The following CSMD3 variants were observed in gnomAD, a reference collection of about 807,000 sequenced individuals.
CSMD3 encodes the protein CUB and Sushi multiple domains 3.
Under a neutral mutation model 435.2 loss-of-function variants are expected in CSMD3, and 177 were observed. The observed-to-expected ratio is 0.41, with a 90% CI of 0.36 to 0.46. CSMD3 has a LOEUF of 0.46. CSMD3 is among the 20% of genes least tolerant of loss of function. The pLI is 0.34. For synonymous variants in CSMD3, 1,656 were observed against 1,520.5 expected (o/e 1.09, Z -2.07); for missense variants, 4,265 against 4,504.6 (o/e 0.95, Z 1.52).
At chr8:112,287,312 C>A (rs2130638938) in intron 57 of CSMD3, 66 bp from the exon 58 acceptor site, 1 of 1,500,028 alleles carries the variant, frequency 6.7e-7, no homozygotes, top group Non-Finnish European at 9.3e-7. Context: ...CCAGTTAGTC[C>A]AAGGGCCTGG....
At chr8:112,874,213 G>A (rs1187112629) in intron 10 of CSMD3, among the ~76,000 whole-genome samples, 14 of 152,086 alleles carry the variant, frequency 9.2e-5, no homozygotes, top group African/African-American at 3.4e-4. Flanking sequence ...ATGTAGTTGT[G>A]CAGTTTTGAG....
chr8:112,315,006 T>TCTCTTCTC (rs1295141585), intron 47 of CSMD3, among the ~76,000 whole-genome samples: 4 of 151,906 alleles, frequency 2.6e-5, no homozygotes, highest in African/African-American at 9.7e-5. Context: ...TTTAACTCAC[T>TCTCTTCTC]CTCTTCTCTC....
At chr8:112,999,823 A>AG (rs2085797197) in intron 6 of CSMD3, among the ~76,000 whole-genome samples, 1 of 151,728 alleles carries the variant, frequency 6.6e-6, no homozygotes. Flanking sequence ...TGAATAAATG[A>AG]GAAAAAAAAA....
At chr8:112,244,614 A>C in intron 64 of CSMD3, 41 bp from the exon 65 acceptor site, 1 of 1,566,528 alleles carries the variant, frequency 6.4e-7, no homozygotes, top group East Asian at 2.3e-5. Context: ...TTCTATAGAT[A>C]TGTTAAGAAA....
At chr8:113,140,445 G>A (rs185842756) in intron 4 of CSMD3, among the ~76,000 whole-genome samples, 153 of 150,766 alleles carry the variant, frequency 1.0e-3, no homozygotes, top group Non-Finnish European at 1.5e-3. Context: ...CAGCCTACAA[G>A]AGCAGACTAC....
At chr8:113,132,309 G>A (rs1368485039) in intron 4 of CSMD3, among the ~76,000 whole-genome samples, 1 of 152,112 alleles carries the variant, frequency 6.6e-6, no homozygotes, top group Admixed American at 6.6e-5. Context: ...ATGAGATTCG[G>A]GAGGGACCAG....
chr8:112,677,220 GAGA>G (rs1187398818), intron 16 of CSMD3, among the ~76,000 whole-genome samples: 2 of 151,830 alleles, frequency 1.3e-5, no homozygotes, highest in Admixed American at 6.6e-5. Flanking sequence ...TAGAAAGGGA[GAGA>G]AGAAGAGCTT....
intron 23 of CSMD3, among the ~76,000 whole-genome samples, chr8:112,584,813 T>C (rs767387661): frequency 9.3e-5 from 14 of 151,236 alleles, no homozygotes; most frequent in Non-Finnish European, 1.6e-4. Flanking sequence ...AGTTTAAATA[T>C]AGGGATCTAA....
Position 112,940,423 on chromosome 8 carries a change from T to C in CSMD3, c.1508+7367A>G, listed in dbSNP as rs529356579. Among the ~76,000 whole-genome samples, 4 of 151,880 alleles carry C rather than the reference T, an allele frequency of 2.6e-5. No individual in the cohort carries two copies. In the South Asian group the frequency reaches 8.3e-4, roughly 32 times the overall value. On this transcript the variant is annotated intron_variant, in intron 9 of 70. Transcript: ENST00000297405. ...TCTTCCTATTCAGTCAGAAAAGGCA[T>C]CAATTAAGGCCTTTCCCACAGAAAG...
intron 22 of CSMD3, among the ~76,000 whole-genome samples, chr8:112,600,004 A>C (rs1162683594): frequency 6.6e-6 from 1 of 151,130 alleles, no homozygotes; most frequent in African/African-American, 2.4e-5. Flanking sequence ...ATGTACCCTA[A>C]AACTTAAAGT....
rs200387045 is a variant in CSMD3 at position 112,598,891 on chromosome 8, C to T, written c.3716-11656G>A. Among the ~76,000 whole-genome samples the T allele has an allele frequency of 3.7e-3, 559 of 151,998 alleles. 3 individuals carry two copies. The highest frequency in any genetic ancestry group is 6.1e-3 in the Non-Finnish European group (417 of 67,952). On this transcript the variant is annotated intron_variant, in intron 22 of 70. Transcript: ENST00000297405. ...ATTCAAGATGGATTAAAGACTTAAA[C>T]GTTAGACCTAAAACCATAAAAACCC...
intron 12 of CSMD3, among the ~76,000 whole-genome samples, chr8:112,825,960 G>A (rs1035077608): frequency 6.6e-6 from 1 of 152,170 alleles, no homozygotes; most frequent in African/African-American, 2.4e-5. Context: ...GCTGGTCCCT[G>A]GAGACTGTGG....
chr8:112,886,569 G>A (rs149666297), intron 10 of CSMD3, among the ~76,000 whole-genome samples: 15 of 151,252 alleles, frequency 9.9e-5, no homozygotes, highest in Non-Finnish European at 1.3e-4. Context: ...AATATTCATA[G>A]TGAGGGTGTA....
chr8:112,840,247 G>T (rs891768308), intron 11 of CSMD3, among the ~76,000 whole-genome samples: 1 of 151,694 alleles, frequency 6.6e-6, no homozygotes, highest in Admixed American at 6.6e-5. Flanking sequence ...AAAGGTCACC[G>T]GTATTTTGAT....
At chr8:112,462,958 C>T (rs907674681) in intron 32 of CSMD3, among the ~76,000 whole-genome samples, 1 of 152,180 alleles carries the variant, frequency 6.6e-6, no homozygotes, top group East Asian at 1.9e-4. Context: ...CTCTCTCACG[C>T]ATTTTGAAAC....
chr8:112,670,940 A>G (rs1040996534), intron 16 of CSMD3, among the ~76,000 whole-genome samples: 4 of 152,172 alleles, frequency 2.6e-5, no homozygotes, highest in Non-Finnish European at 4.4e-5. Flanking sequence ...AACCCTTTGA[A>G]AAAAGTATTT....
At chr8:113,424,816 G>A (rs544346377) in intron 1 of CSMD3, among the ~76,000 whole-genome samples, 2 of 151,544 alleles carry the variant, frequency 1.3e-5, no homozygotes, top group African/African-American at 4.8e-5. Context: ...GTTACAAACA[G>A]CATCTGTAGA....
intron 22 of CSMD3, among the ~76,000 whole-genome samples, chr8:112,621,262 A>C (rs1218709211): frequency 6.6e-6 from 1 of 152,020 alleles, no homozygotes; most frequent in Non-Finnish European, 1.5e-5. Flanking sequence ...AATTAATATA[A>C]AAATAAAAAT....
At chr8:112,822,788 C>G (rs2079563014) in intron 12 of CSMD3, among the ~76,000 whole-genome samples, 1 of 152,016 alleles carries the variant, frequency 6.6e-6, no homozygotes, top group African/African-American at 2.4e-5. Flanking sequence ...ATAAATAGCT[C>G]TTATTATTTT....
Sources: allele counts gnomAD v4.1 joint callset (sites outside exome capture counted in the v4.1 genomes callset), GRCh38; gene constraint gnomAD v4.1.1; transcripts MANE v1.5; gene names NCBI Gene and HGNC (gene_info 2026-07-23, HGNC 2026-07-21).